DAAM2: variants seen among roughly 807,000 people sequenced by gnomAD.
The protein encoded by DAAM2 is dishevelled associated activator of morphogenesis 2.
In DAAM2, 39 loss-of-function variants were observed where a neutral mutation model predicts 120.7. That is an observed-to-expected ratio of 0.32 (90% CI 0.25 to 0.42). The LOEUF (loss-of-function observed/expected upper bound fraction) is 0.42. DAAM2 is among the 10% of genes least tolerant of loss of function. The probability of loss-of-function intolerance (pLI) is 1.00; values close to 1 mark genes in which losing one functional copy is unlikely to be tolerated. For synonymous variants in DAAM2, 488 were observed against 524.9 expected (o/e 0.93, Z 0.96); for missense variants, 1,283 against 1,401.7 (o/e 0.92, Z 1.35).
chr6:39,816,417 G>C (rs1184749862), intron 1 of DAAM2, among the ~76,000 whole-genome samples: 1 of 152,094 alleles, frequency 6.6e-6, no homozygotes, highest in African/African-American at 2.4e-5. Flanking sequence ...GGTTGTGGGG[G>C]GGCTATCTTT....
rs139574862 is a variant in DAAM2 at position 39,891,295 on chromosome 6, C to T, written c.2146-46C>T. On this transcript the variant is annotated intron_variant, in intron 17 of 24. Coordinates refer to ENST00000274867, the MANE Select transcript of DAAM2 (RefSeq NM_001201427.2). ...GCTTCTCACACCCTGTACCCCATGT[C>T]TGCTGCTCACCAGTTGCTTGTGTGA... 5.5e-4 allele frequency: 794 copies of T among 1,448,950 alleles called. 5 individuals are homozygous for T. In the African/African-American group the frequency reaches 9.7e-3, roughly 18 times the overall value. 89.8% of individuals were successfully genotyped at this position (1,448,950 alleles called of 1,614,324 possible). A position where few individuals can be genotyped will look rare whatever the true frequency, so the allele number is the denominator to read the frequency against.
intron 1 of DAAM2, among the ~76,000 whole-genome samples, chr6:39,843,563 G>T (rs1337325795): frequency 6.6e-6 from 1 of 152,212 alleles, no homozygotes; most frequent in Non-Finnish European, 1.5e-5. Flanking sequence ...TGCATGATTT[G>T]CGGGCCCAGC....
chr6:39,899,493 C>G (rs1255006953), intron 22 of DAAM2: 1 of 158,024 alleles, frequency 6.3e-6, no homozygotes, highest in African/African-American at 2.4e-5. Flanking sequence ...AAGTCTTGTC[C>G]CCCACACCTA....
At chr6:39,856,561 G>C (rs1278521118) in intron 2 of DAAM2, 91 bp downstream of exon 2, 1 of 1,071,802 alleles carries the variant, frequency 9.3e-7, no homozygotes, top group Non-Finnish European at 1.2e-6. Flanking sequence ...CCTGTGCTGG[G>C]GTCTCCATCT....
intron 15 of DAAM2, chr6:39,884,950 T>G (rs1765309346): frequency 6.6e-6 from 1 of 152,146 alleles, no homozygotes; most frequent in South Asian, 2.1e-4. Flanking sequence ...CTTAGAAGCC[T>G]CAGGGAATTG....
In DAAM2 at chr6:39,897,187, G is replaced by T. The variant is rs1303335447; in HGVS notation, c.2523G>T (p.Leu841=). The change falls in exon 21 of 25, where the codon CTG becomes CTT. Residue 841 remains leucine (L), a synonymous_variant. Coordinates refer to ENST00000274867, the MANE Select transcript of DAAM2 (RefSeq NM_001201427.2). ...CTTTCATCCACAGAAACATCTCTCT[G>T]CTCCATTACCTGATCATGATCCTGG... is the stretch of plus-strand genomic sequence containing the variant. ...TKSSIDRNIS[L]LHYLIMILEK... 1 of 1,612,642 alleles carries T rather than the reference G, an allele frequency of 6.2e-7. No homozygotes were observed. The highest frequency in any genetic ancestry group is 1.1e-5 in the South Asian group (1 of 91,032).
rs907843291 is a variant in DAAM2, at chr6:39,871,356, A to G, written c.978-150A>G. The G allele has an allele frequency of 4.1e-5, 30 of 726,002 alleles. No individual in the cohort carries two copies. In the East Asian group the frequency reaches 8.2e-4, roughly 20 times the overall value. 45.0% of individuals were successfully genotyped at this position (726,002 alleles called of 1,614,324 possible). A position where few individuals can be genotyped will look rare whatever the true frequency, so the allele number is the denominator to read the frequency against. On this transcript the variant is annotated intron_variant, in intron 8 of 24. Coordinates refer to ENST00000274867, the MANE Select transcript of DAAM2 (RefSeq NM_001201427.2). The stretch of plus-strand genomic sequence containing the variant: ...AAAGGGCAGACAATGGGTGTCCTAC[A>G]AACAGCGGCTTCTTTCCCATTTTGC...
At chr6:39,817,254 T>G (rs897280762) in intron 1 of DAAM2, among the ~76,000 whole-genome samples, 3 of 152,242 alleles carry the variant, frequency 2.0e-5, no homozygotes, top group Admixed American at 2.0e-4. Context: ...ATTACTTTTC[T>G]GGGTTTCTCT....
At chr6:39,823,067 A>G (rs993820510) in intron 1 of DAAM2, 68 of 152,346 alleles carry the variant, frequency 4.5e-4, no homozygotes, top group African/African-American at 1.6e-3. Flanking sequence ...AATGACCACC[A>G]TATAACCTAC....
Position 39,902,060 on chromosome 6 carries a change from A to G in DAAM2, c.*23A>G, listed in dbSNP as rs1353133508. 4.5e-6 allele frequency: 7 copies of G among 1,572,176 alleles called. No individual in the cohort carries two copies. Among genetic ancestry groups the G allele is most frequent in the Non-Finnish European group, 6.1e-6 (7 of 1,151,588 alleles). On this transcript the variant is annotated 3_prime_UTR_variant, in exon 25 of 25. Transcript: ENST00000274867. ...TGACCTGGGGAACTAGCCACACAGG[A>G]GGCCGGGAGACAGGGACTGGTGAGA...
chr6:39,879,659 C>G, intron 14 of DAAM2, 182 bp downstream of exon 14: 1 of 731,532 alleles, frequency 1.4e-6, no homozygotes, highest in Non-Finnish European at 2.4e-6. Context: ...GTCAGAACAC[C>G]TACCCTGGGA....
At chr6:39,874,728 G>A (rs1345817681) in intron 10 of DAAM2, among the ~76,000 whole-genome samples, 1 of 152,148 alleles carries the variant, frequency 6.6e-6, no homozygotes, top group Non-Finnish European at 1.5e-5. Flanking sequence ...TATCATTAGA[G>A]GGGATGAGAG....
Position 39,901,446 on chromosome 6 carries a change from G to C in DAAM2, c.2956G>C (p.Glu986Gln), listed in dbSNP as rs371745527. 1.2e-5 allele frequency: 19 copies of C among 1,611,050 alleles called. No individual in the cohort carries two copies. The highest frequency in any genetic ancestry group is 3.3e-4 in the Middle Eastern group (2 of 5,986). The change falls in exon 24 of 25, where the codon GAG (glutamate) becomes CAG (glutamine). Residue 986 changes from glutamate to glutamine, a missense_variant. By Grantham distance (29) the Glu-to-Gln change is conservative. Transcript: ENST00000274867. The surrounding 1 kb of genome is among the most constrained non-coding windows in gnomAD (Gnocchi z 4.5). ...EAMRRRKEEE[E>Q]RRARMEAMLK... Reference sequence around the variant, plus strand: ...CATGAGGAGGAGGAAGGAGGAGGAGGAGCGGCGGGCGCGCATGGAAGCCAT... The same window carrying C: ...CATGAGGAGGAGGAAGGAGGAGGAGCAGCGGCGGGCGCGCATGGAAGCCAT...
In DAAM2 at chr6:39,866,715, G is replaced by A. The variant is rs575150160; in HGVS notation, c.429-795G>A. On this transcript the variant is annotated intron_variant, in intron 5 of 24. Coordinates refer to ENST00000274867, the MANE Select transcript of DAAM2 (RefSeq NM_001201427.2). ...ACCTTAAATAGCAAGAGCTAGCTGCGAGTCTTGATAACCATCATAATTTTG... is the reference window on the plus strand; with the variant it reads ...ACCTTAAATAGCAAGAGCTAGCTGCAAGTCTTGATAACCATCATAATTTTG... Among the ~76,000 whole-genome samples the A allele has an allele frequency of 2.6e-5, 4 of 152,318 alleles. No homozygotes were observed. In the South Asian group the frequency reaches 8.3e-4, roughly 32 times the overall value.
At chr6:39,859,667 T>A (rs1011285905) in intron 2 of DAAM2, among the ~76,000 whole-genome samples, 1 of 152,238 alleles carries the variant, frequency 6.6e-6, no homozygotes, top group East Asian at 1.9e-4. Flanking sequence ...ATTTTCTACA[T>A]GATTTTATGT....
chr6:39,863,009 C>T (rs138997478), intron 3 of DAAM2, among the ~76,000 whole-genome samples: 4 of 152,072 alleles, frequency 2.6e-5, no homozygotes, highest in East Asian at 3.9e-4. Context: ...AGACCACTCA[C>T]GCCAACCCCC....
chr6:39,840,798 C>T (rs1459020290), intron 1 of DAAM2, among the ~76,000 whole-genome samples: 4 of 152,116 alleles, frequency 2.6e-5, no homozygotes, highest in Non-Finnish European at 5.9e-5. Flanking sequence ...GCGACACTGT[C>T]CCTGACCTAA....
At chr6:39,837,814 G>A (rs984561292) in intron 1 of DAAM2, among the ~76,000 whole-genome samples, 2 of 152,072 alleles carry the variant, frequency 1.3e-5, no homozygotes, top group African/African-American at 4.8e-5. Context: ...AAACCCCAAT[G>A]CCATATATTT....
intron 1 of DAAM2, among the ~76,000 whole-genome samples, chr6:39,810,305 G>A (rs933708234): frequency 6.6e-6 from 1 of 152,170 alleles, no homozygotes; most frequent in Middle Eastern, 3.2e-3. Context: ...GTGTCACATC[G>A]ATCAAACCTT....
Sources: gnomAD v4.1 joint callset for allele counts (sites outside exome capture counted in the v4.1 genomes callset) on GRCh38, gnomAD v4.1.1 for gene constraint, Gnocchi (gnomAD v3.1) non-coding constraint, MANE v1.5 for transcripts, NCBI Gene and HGNC (gene_info 2026-07-23, HGNC 2026-07-21) for gene names.